Variants in SGIP1 observed in about 807,000 individuals in gnomAD.
SGIP1 encodes SH3GL interacting endocytic adaptor 1, also known as SH3-containing GRB2-like protein 3-interacting protein 1.
A neutral mutation model predicts 107.5 loss-of-function variants in SGIP1; 38 were observed. The observed-to-expected ratio is 0.35, with a 90% CI of 0.27 to 0.46. The LOEUF is 0.46. Ranked by LOEUF, SGIP1 falls within the 20% of genes least tolerant of loss-of-function variation. SGIP1 has a pLI of 1.00. For missense variants in SGIP1, 929 were observed against 1,019.5 expected (o/e 0.91, Z 1.21); for synonymous variants, 365 against 366.1 (o/e 1.00, Z 0.03).
chr1:66,534,412 T>TG, intron 1 of SGIP1, 44 bp downstream of exon 1: 1 of 1,611,832 alleles, frequency 6.2e-7, no homozygotes, highest in Middle Eastern at 1.7e-4. Context: ...AGGCAAGGTT[T>TG]GGGCAGAACA....
chr1:66,547,072 G>A (rs182058510), intron 1 of SGIP1, among the ~76,000 whole-genome samples: 26 of 152,226 alleles, frequency 1.7e-4, no homozygotes. Context: ...AGCATTATTA[G>A]TTTCAGTATC....
chr1:66,651,718 A>G lies in SGIP1; in HGVS notation c.459+7999A>G, dbSNP rs1300597631. On this transcript the variant is annotated intron_variant, in intron 7 of 24. Transcript: ENST00000371037. ...CACTTCCTATATTGTACCACATGAC[A>G]GGAGAGCGAGGCTGAGTTGACACCT... 2.0e-5 allele frequency among the ~76,000 whole-genome samples: 3 copies of G among 152,170 alleles called. No homozygotes were observed. The East Asian group carries it at 5.8e-4, about 29-fold the overall frequency.
At chr1:66,590,220 C>A (rs2063398542) in intron 1 of SGIP1, among the ~76,000 whole-genome samples, 2 of 152,230 alleles carry the variant, frequency 1.3e-5, no homozygotes, top group East Asian at 1.9e-4. Context: ...GTGGGACAAG[C>A]AAATGCATAC....
At chr1:66,606,283 A>C (rs1046788763) in intron 1 of SGIP1, among the ~76,000 whole-genome samples, 8 of 152,238 alleles carry the variant, frequency 5.3e-5, no homozygotes, top group Non-Finnish European at 1.0e-4. Flanking sequence ...TAAACAAGAC[A>C]AGGTATGTGA....
At position 66,745,917 on chromosome 1, in the gene SGIP1, T is replaced by G. The variant is rs1190371295; in HGVS notation, c.*2822T>G. The G allele has an allele frequency of 6.6e-6, 1 of 152,146 alleles. No homozygotes were observed. Among genetic ancestry groups the G allele is most frequent in the Non-Finnish European group, 1.5e-5 (1 of 67,978 alleles). The allele number at this position is 152,146 out of a possible 1,614,324, so 9.4% of individuals were successfully genotyped here. ...TTTATAATTACTAAGAATTAAATTT[T>G]TAATCATTTTTAAAGCTGTGTTCTT... is the stretch of plus-strand genomic sequence containing the variant. On this transcript the variant is annotated 3_prime_UTR_variant, in exon 25 of 25. Coordinates refer to ENST00000371037, the MANE Select transcript of SGIP1 (RefSeq NM_032291.4).
intron 1 of SGIP1, among the ~76,000 whole-genome samples, chr1:66,554,594 A>G (rs925125128): frequency 2.0e-5 from 3 of 152,126 alleles, no homozygotes; most frequent in African/African-American, 7.2e-5. Flanking sequence ...TGTTTCATGG[A>G]CAAAATTATT....
intron 4 of SGIP1, among the ~76,000 whole-genome samples, chr1:66,638,564 G>A (rs1445735945): frequency 6.6e-6 from 1 of 152,130 alleles, no homozygotes; most frequent in African/African-American, 2.4e-5. Flanking sequence ...AAATTCTAGT[G>A]CAGTGGTAGT....
chr1:66,719,311 A>C lies in SGIP1; in HGVS notation c.1648A>C (p.Ser550Arg), dbSNP rs1482001229. The C allele has an allele frequency of 6.2e-7, 1 of 1,612,656 alleles. No homozygotes were observed. Among genetic ancestry groups the C allele is most frequent in the Non-Finnish European group, 8.5e-7 (1 of 1,179,166 alleles). The change falls in exon 19 of 25, where the codon AGC (serine) becomes CGC (arginine). Residue 550 changes from serine (S) to arginine (R), a missense_variant. Around this residue, in one of 2 missense-constraint regions of SGIP1, gnomAD observed 341 missense variants for 430.9 expected, o/e 0.79. Coordinates refer to ENST00000371037, the MANE Select transcript of SGIP1 (RefSeq NM_032291.4). ...TCATGCAGGTTCTTCCAGGGGACCC[A>C]GCCCCCTAACCATGGGAGCTCAGGA... ...LTFEGSSRGPSPLTMGAQDTL... is the reference protein window; with the variant it reads ...LTFEGSSRGPRPLTMGAQDTL...
At chr1:66,687,005 G>A (rs2088502651) in intron 15 of SGIP1, among the ~76,000 whole-genome samples, 1 of 152,140 alleles carries the variant, frequency 6.6e-6, no homozygotes, top group Admixed American at 6.5e-5. Flanking sequence ...GGAAGCTGAG[G>A]TTTCAGGCCA....
At chr1:66,700,158 G>T (rs774561244) in intron 18 of SGIP1, among the ~76,000 whole-genome samples, 13 of 152,060 alleles carry the variant, frequency 8.5e-5, no homozygotes, top group Non-Finnish European at 1.6e-4. Flanking sequence ...ATCACCTGTG[G>T]TCAGGAGTTC....
At position 66,596,767 on chromosome 1, in the gene SGIP1, G is replaced by A. The variant is rs1319281066; in HGVS notation, c.11-29080G>A. Among the ~76,000 whole-genome samples the A allele has an allele frequency of 3.9e-5, 6 of 151,946 alleles. No individual in the cohort carries two copies. In the South Asian group the frequency reaches 1.2e-3, roughly 32 times the overall value. On this transcript the variant is annotated intron_variant, in intron 1 of 24. Coordinates refer to ENST00000371037, the MANE Select transcript of SGIP1 (RefSeq NM_032291.4). Reference sequence around the variant, plus strand: ...ACTGGAATAGGAAATTGGGTGAAGGGTATGTGGGGTCTATTATTTCTTACA... The same window carrying A: ...ACTGGAATAGGAAATTGGGTGAAGGATATGTGGGGTCTATTATTTCTTACA...
intron 18 of SGIP1, among the ~76,000 whole-genome samples, chr1:66,701,437 T>G (rs906728045): frequency 6.6e-6 from 1 of 152,222 alleles, no homozygotes; most frequent in Non-Finnish European, 1.5e-5. Context: ...TTTACAAGAC[T>G]GTCTTCATTA....
chr1:66,718,211 T>C (rs184125072), intron 18 of SGIP1, among the ~76,000 whole-genome samples: 17 of 152,160 alleles, frequency 1.1e-4, no homozygotes, highest in Admixed American at 1.0e-3. Flanking sequence ...CTAAAGTAAG[T>C]AGTCTATGCT....
At chr1:66,693,901 G>T (rs1268615388) in intron 17 of SGIP1, among the ~76,000 whole-genome samples, 1 of 152,216 alleles carries the variant, frequency 6.6e-6, no homozygotes, top group Non-Finnish European at 1.5e-5. Flanking sequence ...TTTGGATATT[G>T]ATGAGGCTGA....
chr1:66,671,898 G>A (rs2083907713), intron 10 of SGIP1, 46 bp from the exon 11 acceptor site: 2 of 1,569,662 alleles, frequency 1.3e-6, no homozygotes, highest in South Asian at 1.1e-5. Context: ...ACATATCAGG[G>A]AATGGTAAAA....
chr1:66,730,499 C>T (rs1350876165), intron 20 of SGIP1, among the ~76,000 whole-genome samples: 3 of 152,098 alleles, frequency 2.0e-5, no homozygotes, highest in African/African-American at 7.2e-5. Flanking sequence ...TTCTTTACTG[C>T]CACCTCCCTT....
chr1:66,638,464 T>C (rs936066473), intron 4 of SGIP1, among the ~76,000 whole-genome samples: 4 of 152,208 alleles, frequency 2.6e-5, no homozygotes, highest in Non-Finnish European at 5.9e-5. Flanking sequence ...AAATAATCTA[T>C]GTCAGAAGTG....
In SGIP1 at chr1:66,734,434, T is replaced by C. The variant is rs1053981002; in HGVS notation, c.2031+554T>C. Among the ~76,000 whole-genome samples, 8 of 152,144 alleles carry C rather than the reference T, an allele frequency of 5.3e-5. No homozygotes were observed. In the East Asian group the frequency reaches 1.5e-3, roughly 29 times the overall value. On this transcript the variant is annotated intron_variant, in intron 21 of 24. Coordinates refer to ENST00000371037, the MANE Select transcript of SGIP1 (RefSeq NM_032291.4). Reference sequence around the variant, plus strand: ...TATTGATATACTAAATAAGCCTAATTCATACCAGGATCCTGATAGTGCCTG... The same window carrying C: ...TATTGATATACTAAATAAGCCTAATCCATACCAGGATCCTGATAGTGCCTG...
At chr1:66,729,788 T>C (rs766713415) in intron 20 of SGIP1, among the ~76,000 whole-genome samples, 42 of 152,290 alleles carry the variant, frequency 2.8e-4, no homozygotes, top group Non-Finnish European at 4.7e-4. Flanking sequence ...CCTTTCATTG[T>C]ATGAGCATCT....
Sources: allele counts gnomAD v4.1 joint callset (sites outside exome capture counted in the v4.1 genomes callset), GRCh38; gene constraint gnomAD v4.1.1; regional missense constraint gnomAD v4.1.1; transcripts MANE v1.5; gene names NCBI Gene and HGNC (gene_info 2026-07-23, HGNC 2026-07-21).